SAMD12: variants seen among roughly 807,000 people sequenced by gnomAD.
SAMD12 encodes sterile alpha motif domain containing 12.
Under a neutral mutation model 15.0 loss-of-function variants are expected in SAMD12, and 9 were observed. The ratio of observed to expected loss-of-function variants is 0.60; its 90% confidence interval spans 0.36 to 1.05. The LOEUF is 1.05. SAMD12 is among the 50% of genes least tolerant of loss of function. The pLI is 0.01. For missense variants in SAMD12, 230 were observed against 234.2 expected (o/e 0.98, Z 0.12); for synonymous variants, 86 against 90.1 (o/e 0.96, Z 0.25).
rs191937070 is a variant in SAMD12, at chr8:118,555,971, A to G, written c.192+24744T>C. Among the ~76,000 whole-genome samples the G allele has an allele frequency of 1.3e-3, 200 of 152,302 alleles. 1 individual carries two copies. Among genetic ancestry groups the G allele is most frequent in the African/African-American group, 4.6e-3 (190 of 41,560 alleles). ...CCTTGGTATTTGGTGCTTTCCAGTGACTATCCTTATCGTTAGTGATGTTCT... is the reference window on the plus strand; with the variant it reads ...CCTTGGTATTTGGTGCTTTCCAGTGGCTATCCTTATCGTTAGTGATGTTCT... On this transcript the variant is annotated intron_variant, in intron 2 of 3. Transcript: ENST00000314727.
intron 1 of SAMD12, among the ~76,000 whole-genome samples, chr8:118,611,054 C>T (rs143362256): frequency 2.6e-5 from 4 of 152,266 alleles, no homozygotes; most frequent in East Asian, 1.9e-4. Context: ...AGAATTTTAT[C>T]GTCTAAGGAA....
At chr8:118,247,426 G>A (rs1052739490) in intron 4 of SAMD12, among the ~76,000 whole-genome samples, 1 of 151,872 alleles carries the variant, frequency 6.6e-6, no homozygotes, top group African/African-American at 2.4e-5. Flanking sequence ...AAATGTTCTC[G>A]CTATAAAGAA....
At chr8:118,353,026 C>A (rs1477681511) in intron 4 of SAMD12, among the ~76,000 whole-genome samples, 1 of 151,846 alleles carries the variant, frequency 6.6e-6, no homozygotes, top group African/African-American at 2.4e-5. Context: ...CACGTTAAAC[C>A]ACCATCCAGA....
At chr8:118,509,428 G>T (rs998647996) in intron 2 of SAMD12, among the ~76,000 whole-genome samples, 2 of 152,170 alleles carry the variant, frequency 1.3e-5, no homozygotes, top group African/African-American at 4.8e-5. Flanking sequence ...AAAATAGCTT[G>T]AGGGTTTCAT....
rs112760107 is a variant in SAMD12, at chr8:118,597,666, C to T, written c.14-16773G>A. On this transcript the variant is annotated intron_variant, in intron 1 of 3. Coordinates refer to ENST00000314727, the MANE Select transcript of SAMD12 (RefSeq NM_207506.3). ...GATACTAAAATAAACCAGAGTACAC[C>T]AGGCATTTCACCAGCCATAAACCCT... 3.5e-3 allele frequency among the ~76,000 whole-genome samples: 539 copies of T among 152,282 alleles called. 2 individuals carry two copies. The highest frequency in any genetic ancestry group is 0.012 in the African/African-American group (506 of 41,558).
At chr8:118,177,867 G>A in the SAMD12 span, among the ~76,000 whole-genome samples, 8 of 152,330 alleles carry the variant, frequency 5.3e-5, no homozygotes, top group Non-Finnish European at 1.0e-4. Context: ...TGTGTGGTAG[G>A]AAGAGGCCCT....
chr8:118,188,257 A>G (rs1399759397), downstream of SAMD12, among the ~76,000 whole-genome samples: 2 of 152,176 alleles, frequency 1.3e-5, no homozygotes, highest in Non-Finnish European at 2.9e-5. Context: ...AAATGATCCC[A>G]AAAGGTTAAG....
In SAMD12 at chr8:118,553,840, AAAAC is replaced by A. The variant is rs879778146; in HGVS notation, c.192+26871_192+26874del. On this transcript the variant is annotated intron_variant, in intron 2 of 3. Coordinates refer to ENST00000314727, the MANE Select transcript of SAMD12 (RefSeq NM_207506.3). ...TGAACTCAAACAAATTTACAAGAAA[AAAAC>A]AAACAACCCCATCAAAAAGTGGGCG... 9.7e-3 allele frequency among the ~76,000 whole-genome samples: 1,444 copies of A among 148,542 alleles called. 4 individuals carry two copies. Among genetic ancestry groups the A allele is most frequent in the Non-Finnish European group, 0.015 (1,006 of 66,604 alleles).
In SAMD12 at chr8:118,580,942, G is replaced by T. The variant is rs1279589309; in HGVS notation, c.14-49C>A. The stretch of plus-strand genomic sequence containing the variant: ...CTCAGAAAACAAACCACATAAAGAA[G>T]GTGTCCATGACAGAAAATATTCATC... On this transcript the variant is annotated intron_variant, in intron 1 of 3. Transcript: ENST00000314727. 8 of 1,450,774 alleles carry T rather than the reference G, an allele frequency of 5.5e-6. No homozygotes were observed. The East Asian group carries it at 1.6e-4, about 30-fold the overall frequency. The allele number at this position is 1,450,774 out of a possible 1,614,324, so 89.9% of individuals were successfully genotyped here.
At chr8:118,265,847 G>GA (rs1563722099) in intron 4 of SAMD12, among the ~76,000 whole-genome samples, 1 of 151,670 alleles carries the variant, frequency 6.6e-6, no homozygotes, top group South Asian at 2.1e-4. Context: ...TCACATGATT[G>GA]AAAAAAAGGT....
intron 1 of SAMD12, among the ~76,000 whole-genome samples, chr8:118,604,972 C>A (rs1827951554): frequency 6.6e-6 from 1 of 151,920 alleles, no homozygotes; most frequent in Non-Finnish European, 1.5e-5. Flanking sequence ...TGAAAATAAT[C>A]AAGTAAAAGT....
At chr8:118,535,102 A>G in intron 2 of SAMD12, among the ~76,000 whole-genome samples, 1 of 152,118 alleles carries the variant, frequency 6.6e-6, no homozygotes, top group Non-Finnish European at 1.5e-5. Flanking sequence ...TTGGTCTTTG[A>G]TGATGAGGTA....
chr8:118,361,382 A>G (rs1209561747), intron 4 of SAMD12, among the ~76,000 whole-genome samples: 1 of 152,188 alleles, frequency 6.6e-6, no homozygotes, highest in Non-Finnish European at 1.5e-5. Flanking sequence ...TCGGACACAT[A>G]GTAGGTAACT....
chr8:118,151,653 C>T, the SAMD12 span, among the ~76,000 whole-genome samples: 3 of 151,658 alleles, frequency 2.0e-5, no homozygotes, highest in Non-Finnish European at 2.9e-5. Context: ...ATGGTGAAAC[C>T]TCATCTCTAC....
intron 2 of SAMD12, among the ~76,000 whole-genome samples, chr8:118,481,149 C>T (rs112381599): frequency 0.031 from 4,760 of 151,904 alleles, 201 homozygotes; most frequent in African/African-American, 0.095. Context: ...GAGACAGAAT[C>T]TCACCATGTT....
intron 2 of SAMD12, among the ~76,000 whole-genome samples, chr8:118,465,716 A>G (rs978110256): frequency 6.6e-6 from 1 of 152,204 alleles, no homozygotes; most frequent in African/African-American, 2.4e-5. Context: ...AAACAATTAC[A>G]TACAAACAAG....
At chr8:118,358,980 T>C (rs564321308) in intron 4 of SAMD12, among the ~76,000 whole-genome samples, 1 of 151,760 alleles carries the variant, frequency 6.6e-6, no homozygotes, top group South Asian at 2.1e-4. Flanking sequence ...TAATGGATCA[T>C]TGATACAGGG....
intron 3 of SAMD12, among the ~76,000 whole-genome samples, chr8:118,422,106 C>G (rs1490172343): frequency 6.6e-6 from 1 of 152,148 alleles, no homozygotes; most frequent in Non-Finnish European, 1.5e-5. Flanking sequence ...GTATTCTTAT[C>G]AACAGAAATG....
intron 3 of SAMD12, among the ~76,000 whole-genome samples, chr8:118,435,811 T>C (rs1223935992): frequency 2.0e-5 from 3 of 152,230 alleles, no homozygotes; most frequent in Non-Finnish European, 2.9e-5. Context: ...AACGCATCTT[T>C]AAGATTTTAA....
Sources: gnomAD v4.1 joint callset for allele counts (sites outside exome capture counted in the v4.1 genomes callset) on GRCh38, gnomAD v4.1.1 for gene constraint, MANE v1.5 for transcripts, NCBI Gene and HGNC (gene_info 2026-07-23, HGNC 2026-07-21) for gene names.